Variants in ELF2 observed in about 807,000 individuals in gnomAD.
ELF2 encodes the protein ETS-related transcription factor Elf-2.
In ELF2, 11 loss-of-function variants were observed where a neutral mutation model predicts 54.8. The observed-to-expected ratio is 0.20, with a 90% CI of 0.13 to 0.33. ELF2 has a LOEUF of 0.33. Ranked by LOEUF, ELF2 falls within the 10% of genes least tolerant of loss-of-function variation. The pLI is 1.00. For synonymous variants in ELF2, 203 were observed against 245.1 expected (o/e 0.83, Z 1.61); for missense variants, 513 against 703.0 (o/e 0.73, Z 3.06).
At chr4:139,098,747 C>A (rs1359258086) in intron 4 of ELF2, among the ~76,000 whole-genome samples, 1 of 152,200 alleles carries the variant, frequency 6.6e-6, no homozygotes, top group Non-Finnish European at 1.5e-5. Context: ...GGATTACAGG[C>A]ATGAGCCACC....
intron 4 of ELF2, chr4:139,101,845 C>A (rs1733903338): frequency 6.6e-6 from 1 of 152,102 alleles, no homozygotes; most frequent in Non-Finnish European, 1.5e-5. Flanking sequence ...ACCTGATAGC[C>A]TCCTAAGTAT....
At chr4:139,177,282 C>T (rs1438439484), upstream of ELF2, 1 of 150,626 alleles carries the variant, frequency 6.6e-6, no homozygotes, top group Non-Finnish European at 1.5e-5. Context: ...GCTCCTCCCC[C>T]TCGGCCTCCT....
At chr4:139,114,872 G>A (rs371415202) in intron 4 of ELF2, 6 of 1,605,092 alleles carry the variant, frequency 3.7e-6, no homozygotes, top group Non-Finnish European at 4.3e-6. Context: ...CTGTTGCTAC[G>A]AGGTTGGGGG....
rs766104487 is a variant in ELF2, at chr4:139,073,444, G to A, written c.352+10C>T. On this transcript the variant is annotated intron_variant, in intron 5 of 9. Coordinates refer to ENST00000686138, the MANE Select transcript of ELF2 (RefSeq NM_001331036.3). ...GACACGTTTAACATAAGAATGAACAGTTTACATACCAGGACTTCTTGAATC... is the reference window on the plus strand; with the variant it reads ...GACACGTTTAACATAAGAATGAACAATTTACATACCAGGACTTCTTGAATC... 8.9e-6 allele frequency: 14 copies of A among 1,581,114 alleles called. No individual in the cohort carries two copies. The South Asian group carries it at 1.4e-4, about 16-fold the overall frequency.
intron 4 of ELF2, among the ~76,000 whole-genome samples, chr4:139,095,392 C>T (rs1733147418): frequency 6.6e-6 from 1 of 151,956 alleles, no homozygotes; most frequent in African/African-American, 2.4e-5. Context: ...GCCATGTTGG[C>T]CAGGCTGGTA....
chr4:139,110,239 A>G (rs888893718), intron 4 of ELF2, among the ~76,000 whole-genome samples: 5 of 152,196 alleles, frequency 3.3e-5, no homozygotes, highest in African/African-American at 1.2e-4. Context: ...GCTGCTGACC[A>G]TAGCAGAGCA....
intron 4 of ELF2, among the ~76,000 whole-genome samples, chr4:139,078,005 A>T (rs1730561513): frequency 6.6e-6 from 1 of 152,224 alleles, no homozygotes. Flanking sequence ...TTTTTATTAC[A>T]GTACCAAAAA....
At chr4:139,147,353 C>T (rs1400839535) in intron 1 of ELF2, among the ~76,000 whole-genome samples, 1 of 152,170 alleles carries the variant, frequency 6.6e-6, no homozygotes, top group Non-Finnish European at 1.5e-5. Flanking sequence ...CTTACTCCTG[C>T]AAGAATGGCC....
intron 3 of ELF2, among the ~76,000 whole-genome samples, chr4:139,129,205 T>C (rs1182510246): frequency 6.6e-6 from 1 of 152,192 alleles, no homozygotes; most frequent in Non-Finnish European, 1.5e-5. Context: ...CCCAAAGTGC[T>C]GGGATGACAG....
chr4:139,116,809 T>C (rs1735765166), intron 4 of ELF2: 1 of 765,096 alleles, frequency 1.3e-6, no homozygotes, highest in South Asian at 6.0e-5. Flanking sequence ...GGAGGATTTC[T>C]GATGGTATAA....
chr4:139,176,996 G>C lies in ELF2; in HGVS notation c.-281C>G, dbSNP rs893594439. The C allele has an allele frequency of 5.3e-5, 8 of 152,302 alleles. No individual in the cohort carries two copies. The highest frequency in any genetic ancestry group is 1.3e-4 in the Admixed American group (2 of 15,298). The allele number at this position is 152,302 out of a possible 1,614,324, so 9.4% of individuals were successfully genotyped here. ...TCTCCGCGACGCCTGGGAAGACCGCGGCGTCCTTTTCCCTCTCAGCAGGGC... is the reference window on the plus strand; with the variant it reads ...TCTCCGCGACGCCTGGGAAGACCGCCGCGTCCTTTTCCCTCTCAGCAGGGC... On this transcript the variant is annotated 5_prime_UTR_variant, in exon 1 of 10. Transcript: ENST00000686138.
intron 1 of ELF2, among the ~76,000 whole-genome samples, chr4:139,144,170 C>T (rs528778518): frequency 5.9e-5 from 9 of 152,080 alleles, no homozygotes; most frequent in Admixed American, 1.3e-4. Context: ...ACTGTAAGTC[C>T]CCAGAGTGTG....
chr4:139,148,100 T>TAA (rs146479159), intron 1 of ELF2, among the ~76,000 whole-genome samples: 27,422 of 142,768 alleles, frequency 0.19, 2,746 homozygotes, highest in South Asian at 0.33. Context: ...CCCTGTACCT[T>TAA]AAAAAAAAAA....
chr4:139,084,171 T>C (rs1731626162), intron 4 of ELF2: 1 of 1,613,492 alleles, frequency 6.2e-7, no homozygotes, highest in Non-Finnish European at 8.5e-7. Context: ...CGTGGGTCCC[T>C]CATGCAGAGA....
intron 2 of ELF2, among the ~76,000 whole-genome samples, chr4:139,138,287 C>T (rs1738379123): frequency 1.3e-5 from 2 of 152,068 alleles, no homozygotes; most frequent in South Asian, 4.2e-4. Flanking sequence ...CATGGTGAAG[C>T]GTGCCTGTAG....
chr4:139,139,045 T>C (rs1011486893), intron 2 of ELF2, among the ~76,000 whole-genome samples: 2 of 152,176 alleles, frequency 1.3e-5, no homozygotes, highest in African/African-American at 2.4e-5. Context: ...AATTTTTTCA[T>C]GTCAAAAAGA....
intron 1 of ELF2, among the ~76,000 whole-genome samples, chr4:139,156,634 TTGTTGTTGTTGC>T (rs1740576976): frequency 7.4e-6 from 1 of 134,774 alleles, no homozygotes; most frequent in African/African-American, 2.7e-5. Context: ...GTTGTTGTTG[TTGTTGTTGTTGC>T]TGTTGTTGTT....
At position 139,079,487 on chromosome 4, in the gene ELF2, C is replaced by T. The variant is rs567545537; in HGVS notation, c.239-5920G>A. On this transcript the variant is annotated intron_variant, in intron 4 of 9. Transcript: ENST00000686138. ...AAAGGCTCTTGGGACTCCCAGAATC[C>T]GGGTCAGAGAGTTTGGTTTTTGAGA... 6.6e-5 allele frequency among the ~76,000 whole-genome samples: 10 copies of T among 152,260 alleles called. No individual in the cohort carries two copies. The South Asian group carries it at 1.7e-3, about 25-fold the overall frequency.
intron 1 of ELF2, among the ~76,000 whole-genome samples, chr4:139,163,888 T>G: frequency 1.4e-5 from 2 of 141,842 alleles, no homozygotes; most frequent in African/African-American, 2.7e-5. Context: ...ACAGAATGAG[T>G]CCCTCTATCA....
Sources: allele counts gnomAD v4.1 joint callset (sites outside exome capture counted in the v4.1 genomes callset), GRCh38; gene constraint gnomAD v4.1.1; transcripts MANE v1.5; gene names NCBI Gene and HGNC (gene_info 2026-07-23, HGNC 2026-07-21).